Variants in KCNH1 observed in about 807,000 individuals in gnomAD.
KCNH1 encodes the protein voltage-gated delayed rectifier potassium channel KCNH1.
KCNH1 carries 27 observed loss-of-function variants against 69.2 expected under a neutral mutation model. That is an observed-to-expected ratio of 0.39 (90% CI 0.29 to 0.54). The LOEUF is 0.54. KCNH1 is among the 20% of genes least tolerant of loss of function. The probability of loss-of-function intolerance (pLI) is 0.68; values close to 1 mark genes in which losing one functional copy is unlikely to be tolerated. For synonymous variants in KCNH1, 456 were observed against 487.7 expected, an observed-to-expected ratio of 0.93 and a Z score of 0.86; for missense variants, 798 against 1,261.6, an observed-to-expected ratio of 0.63 and a Z score of 5.57.
chr1:210,757,660 C>G (rs1370701949), intron 10 of KCNH1, among the ~76,000 whole-genome samples: 13 of 152,214 alleles, frequency 8.5e-5, no homozygotes, highest in Non-Finnish European at 2.9e-5. Context: ...ATATTCCTGT[C>G]ACAGACCATC....
intron 1 of KCNH1, among the ~76,000 whole-genome samples, chr1:211,120,637 T>A (rs1691668755): frequency 6.6e-6 from 1 of 151,954 alleles, no homozygotes; most frequent in African/African-American, 2.4e-5. Context: ...AAAAAGTGAC[T>A]CAAAATAAGC....
intron 6 of KCNH1, among the ~76,000 whole-genome samples, chr1:210,999,049 C>G (rs1394188629): frequency 6.6e-6 from 1 of 152,152 alleles, no homozygotes; most frequent in African/African-American, 2.4e-5. Context: ...TACATGCCCA[C>G]AAGAGAAAGC....
chr1:210,989,871 C>A (rs1183047507), intron 6 of KCNH1, among the ~76,000 whole-genome samples: 1 of 152,172 alleles, frequency 6.6e-6, no homozygotes, highest in Non-Finnish European at 1.5e-5. Flanking sequence ...ATAAGTGGCA[C>A]TTTGTAACTA....
At chr1:210,799,473 T>G (rs1036024545) in intron 8 of KCNH1, among the ~76,000 whole-genome samples, 1 of 152,216 alleles carries the variant, frequency 6.6e-6, no homozygotes, top group Admixed American at 6.5e-5. Flanking sequence ...TATGCAGATC[T>G]CATCTTCTGA....
At chr1:210,794,583 G>A (rs1254346733) in intron 9 of KCNH1, among the ~76,000 whole-genome samples, 1 of 152,098 alleles carries the variant, frequency 6.6e-6, no homozygotes, top group African/African-American at 2.4e-5. Flanking sequence ...AATGAGAAGG[G>A]GCTAGGAAGC....
At chr1:210,907,851 G>T (rs1328978961) in intron 7 of KCNH1, among the ~76,000 whole-genome samples, 1 of 152,302 alleles carries the variant, frequency 6.6e-6, no homozygotes, top group East Asian at 1.9e-4. Flanking sequence ...GTCACCCAGA[G>T]TTGCCAAGAG....
intron 9 of KCNH1, among the ~76,000 whole-genome samples, chr1:210,794,645 C>T (rs1684272495): frequency 6.6e-6 from 1 of 152,158 alleles, no homozygotes; most frequent in African/African-American, 2.4e-5. Flanking sequence ...ATGCCTAAGT[C>T]TAGGTGTTCA....
intron 6 of KCNH1, among the ~76,000 whole-genome samples, chr1:210,959,366 T>A (rs981177419): frequency 6.6e-6 from 1 of 152,158 alleles, no homozygotes; most frequent in Non-Finnish European, 1.5e-5. Context: ...TTAGGCCACA[T>A]GGGGGCCAGG....
At chr1:210,725,363 C>CT (rs1319816396) in intron 10 of KCNH1, among the ~76,000 whole-genome samples, 1 of 152,172 alleles carries the variant, frequency 6.6e-6, no homozygotes, top group African/African-American at 2.4e-5. Flanking sequence ...ACTGAGCACC[C>CT]TCCCTATTCT....
intron 10 of KCNH1, among the ~76,000 whole-genome samples, chr1:210,744,844 G>T (rs1479013668): frequency 1.3e-5 from 2 of 152,014 alleles, no homozygotes; most frequent in African/African-American, 4.8e-5. Context: ...TTAGTTACCG[G>T]GGATAAAGCA....
intron 5 of KCNH1, among the ~76,000 whole-genome samples, chr1:211,064,705 A>G (rs758762871): frequency 1.3e-5 from 2 of 152,194 alleles, no homozygotes; most frequent in Non-Finnish European, 2.9e-5. Flanking sequence ...GCGACAACCT[A>G]CAGAATGGAA....
chr1:210,766,514 A>AG (rs926010712), intron 10 of KCNH1, among the ~76,000 whole-genome samples: 9 of 150,864 alleles, frequency 6.0e-5, no homozygotes, highest in South Asian at 2.1e-4. Context: ...AACAAGATTG[A>AG]GGGGGGGTGG....
intron 6 of KCNH1, among the ~76,000 whole-genome samples, chr1:211,007,852 T>C (rs1258674406): frequency 6.6e-6 from 1 of 152,170 alleles, no homozygotes. Context: ...AAATTACACA[T>C]ATTAGATGGC....
chr1:210,889,764 G>C (rs1686704737), intron 7 of KCNH1, among the ~76,000 whole-genome samples: 1 of 152,108 alleles, frequency 6.6e-6, no homozygotes, highest in Non-Finnish European at 1.5e-5. Flanking sequence ...ACCAATAATA[G>C]CCAAATCATG....
chr1:210,892,833 A>G (rs1686776634), intron 7 of KCNH1, among the ~76,000 whole-genome samples: 1 of 152,202 alleles, frequency 6.6e-6, no homozygotes, highest in Non-Finnish European at 1.5e-5. Flanking sequence ...GATCCACTCA[A>G]TAAGCATTTG....
intron 6 of KCNH1, among the ~76,000 whole-genome samples, chr1:210,998,287 C>T (rs1043553584): frequency 2.6e-5 from 4 of 152,162 alleles, no homozygotes; most frequent in Non-Finnish European, 5.9e-5. Flanking sequence ...CAGAGACACA[C>T]ATAGGCTCAA....
intron 10 of KCNH1, among the ~76,000 whole-genome samples, chr1:210,715,081 TG>T (rs1210674157): frequency 6.6e-6 from 1 of 152,220 alleles, no homozygotes; most frequent in Non-Finnish European, 1.5e-5. Context: ...AGGAAGACTC[TG>T]CCTCAATAGG....
chr1:211,050,342 G>A (rs915652195), intron 5 of KCNH1, among the ~76,000 whole-genome samples: 1 of 134,706 alleles, frequency 7.4e-6, no homozygotes, highest in African/African-American at 2.9e-5. Context: ...ACAAAACAAA[G>A]CCTGATTTGG....
At chr1:210,917,605 TCCATAAAA>T (rs1303324954) in intron 7 of KCNH1, among the ~76,000 whole-genome samples, 1 of 152,214 alleles carries the variant, frequency 6.6e-6, no homozygotes, top group Non-Finnish European at 1.5e-5. Flanking sequence ...CTTTTGCGAG[TCCATAAAA>T]TGGGACCCAT....
Sources: allele counts gnomAD v4.1 joint callset (sites outside exome capture counted in the v4.1 genomes callset), GRCh38; gene constraint gnomAD v4.1.1; transcripts MANE v1.5; gene names NCBI Gene and HGNC (gene_info 2026-07-23, HGNC 2026-07-21).